ZNF438: variants seen among roughly 807,000 people sequenced by gnomAD.
The protein encoded by ZNF438 is zinc finger protein 438.
ZNF438 carries 25 observed loss-of-function variants against 38.0 expected under a neutral mutation model. That is an observed-to-expected ratio of 0.66 (90% CI 0.48 to 0.92). The LOEUF (loss-of-function observed/expected upper bound fraction) is 0.92. Among genes scored for constraint, ZNF438 ranks in the 40% least tolerant of loss-of-function variants. The pLI is 0.00. For missense variants in ZNF438, 1,007 were observed against 999.6 expected (o/e 1.01, Z -0.10); for synonymous variants, 372 against 364.1 (o/e 1.02, Z -0.25).
intron 1 of ZNF438, among the ~76,000 whole-genome samples, chr10:30,963,019 A>G (rs972934445): frequency 1.3e-5 from 2 of 152,212 alleles, no homozygotes; most frequent in Admixed American, 6.5e-5. Context: ...TATAAATTAT[A>G]TTCATTTTAA....
chr10:30,996,637 A>C (rs2054075498), intron 1 of ZNF438, among the ~76,000 whole-genome samples: 1 of 151,912 alleles, frequency 6.6e-6, no homozygotes, highest in Non-Finnish European at 1.5e-5. Context: ...TTTCAATACT[A>C]GATAAAACCA....
At chr10:30,889,604 C>T (rs1589028015) in intron 3 of ZNF438, among the ~76,000 whole-genome samples, 1 of 152,176 alleles carries the variant, frequency 6.6e-6, no homozygotes, top group African/African-American at 2.4e-5. Context: ...TGGGGTTTCA[C>T]CATGTTGGCC....
At chr10:30,874,134 A>G (rs1250598355) in intron 4 of ZNF438, among the ~76,000 whole-genome samples, 3 of 65,826 alleles carry the variant, frequency 4.6e-5, no homozygotes, top group African/African-American at 1.0e-4. Flanking sequence ...ATATATATAT[A>G]TATATATATA....
chr10:31,005,526 T>C lies in ZNF438; in HGVS notation c.-192+26307A>G, dbSNP rs370353300. ...GTGGACGGGGGAGAAAATGTGAAGA[T>C]GTAGGTCAAAGGATACAAAGCTGCA... On this transcript the variant is annotated intron_variant, in intron 1 of 5. Transcript: ENST00000413025. Among the ~76,000 whole-genome samples, 5 of 152,264 alleles carry C rather than the reference T, an allele frequency of 3.3e-5. No homozygotes were observed. In the East Asian group the frequency reaches 9.7e-4, roughly 29 times the overall value.
At chr10:31,026,244 C>A (rs888276865) in intron 1 of ZNF438, among the ~76,000 whole-genome samples, 5 of 152,278 alleles carry the variant, frequency 3.3e-5, no homozygotes, top group African/African-American at 1.2e-4. Flanking sequence ...CAAATGGGAT[C>A]TAATTAAACT....
At chr10:30,849,126 G>A in exon 5 of ZNF438, 1 of 1,613,764 alleles carries the variant, frequency 6.2e-7, no homozygotes. Context: ...AGGGTCCCCA[G>A]CTTTTGGTCT....
rs905679782 is a variant in ZNF438 at position 30,948,987 on chromosome 10, C to T, written c.-191-7336G>A. On this transcript the variant is annotated intron_variant, in intron 1 of 5. Coordinates refer to ENST00000413025, the Ensembl canonical transcript of ZNF438. ...GTTGAAATGAAGGAAAAAATGTTAA[C>T]GGCAGCCAGAGAGAAAGGTCGGGTT... Among the ~76,000 whole-genome samples, 19 of 152,266 alleles carry T rather than the reference C, an allele frequency of 1.2e-4. No individual in the cohort carries two copies. In the East Asian group the frequency reaches 1.7e-3, roughly 14 times the overall value.
intron 1 of ZNF438, among the ~76,000 whole-genome samples, chr10:30,958,134 T>C (rs1368678375): frequency 6.8e-6 from 1 of 146,574 alleles, no homozygotes; most frequent in African/African-American, 2.4e-5. Flanking sequence ...ATTCCTGGCC[T>C]TGTACTTTTG....
intron 3 of ZNF438, among the ~76,000 whole-genome samples, chr10:30,906,759 C>T (rs2042625931): frequency 6.6e-6 from 1 of 152,170 alleles, no homozygotes; most frequent in Non-Finnish European, 1.5e-5. Context: ...CTAGTTTGTT[C>T]AGTGTTTGTA....
rs1027317018 is a variant in ZNF438 at position 30,867,912 on chromosome 10, T to C, written c.37+9086A>G. ...AATAAAATGCTTGACAAAAATCTTA[T>C]ATAATGTTTCAAAAACTTATCTTAC... On this transcript the variant is annotated intron_variant, in intron 4 of 5. Transcript: ENST00000413025. Among the ~76,000 whole-genome samples, 7 of 152,194 alleles carry C rather than the reference T, an allele frequency of 4.6e-5. No homozygotes were observed. In the East Asian group the frequency reaches 1.2e-3, roughly 25 times the overall value.
At chr10:30,927,918 C>G (rs910563131) in intron 2 of ZNF438, among the ~76,000 whole-genome samples, 1 of 152,016 alleles carries the variant, frequency 6.6e-6, no homozygotes, top group South Asian at 2.1e-4. Context: ...CCATAATAGA[C>G]TAGTTGGTCC....
chr10:30,875,543 C>T (rs1403608942), intron 4 of ZNF438: 2 of 985,462 alleles, frequency 2.0e-6, no homozygotes, highest in East Asian at 2.3e-4. Context: ...AGCTAGGACA[C>T]TGAATTTCAA....
At chr10:30,853,575 C>T (rs112728021) in intron 4 of ZNF438, among the ~76,000 whole-genome samples, 25 of 152,350 alleles carry the variant, frequency 1.6e-4, no homozygotes, top group African/African-American at 5.5e-4. Flanking sequence ...CTTGCTGCAT[C>T]GTTTCCTTCA....
chr10:30,856,706 A>G (rs1588801646), intron 4 of ZNF438, among the ~76,000 whole-genome samples: 1 of 152,238 alleles, frequency 6.6e-6, no homozygotes, highest in African/African-American at 2.4e-5. Context: ...AAAGAGACTC[A>G]CAGGACTCTC....
At chr10:31,009,734 A>T (rs2055484665) in intron 1 of ZNF438, among the ~76,000 whole-genome samples, 1 of 151,958 alleles carries the variant, frequency 6.6e-6, no homozygotes, top group African/African-American at 2.4e-5. Flanking sequence ...AACACAAGAT[A>T]CCCTATTTTT....
In ZNF438 at chr10:30,904,421, TTCC is replaced by T. The variant is rs143880782; in HGVS notation, c.-32+4509_-32+4511del. Among the ~76,000 whole-genome samples the T allele has an allele frequency of 1.4e-4, 21 of 152,268 alleles. No homozygotes were observed. The East Asian group carries it at 4.1e-3, about 29-fold the overall frequency. ...AAAAAGCCTTCAGATATGTCCCCTT[TTCC>T]TCGTCTCCACTGCCAACTGTCTGGT... On this transcript the variant is annotated intron_variant, in intron 3 of 5. Coordinates refer to ENST00000413025, the Ensembl canonical transcript of ZNF438.
intron 3 of ZNF438, among the ~76,000 whole-genome samples, chr10:30,887,556 T>C (rs1206342184): frequency 1.3e-5 from 2 of 152,012 alleles, no homozygotes; most frequent in Non-Finnish European, 2.9e-5. Flanking sequence ...GTCCAGCTAA[T>C]TTTTTGTATT....
chr10:30,967,298 A>G (rs116113302), intron 1 of ZNF438, among the ~76,000 whole-genome samples: 1,758 of 152,288 alleles, frequency 0.012, 30 homozygotes, highest in African/African-American at 0.039. Context: ...AAAAGGAAAT[A>G]AGTATCTCCC....
At chr10:31,020,455 C>T (rs1303373428) in intron 1 of ZNF438, among the ~76,000 whole-genome samples, 3 of 152,120 alleles carry the variant, frequency 2.0e-5, no homozygotes, top group Non-Finnish European at 4.4e-5. Context: ...ATTGGATATA[C>T]GTTGTTGAAC....
Sources: allele counts gnomAD v4.1 joint callset (sites outside exome capture counted in the v4.1 genomes callset), GRCh38; gene constraint gnomAD v4.1.1; transcripts MANE v1.5; gene names NCBI Gene and HGNC (gene_info 2026-07-23, HGNC 2026-07-21).